Variants in TRAM2 observed in about 807,000 individuals in gnomAD.
TRAM2 encodes the protein translocation associated membrane protein 2, also known as translocating chain-associated membrane protein 2.
Under a neutral mutation model 51.0 loss-of-function variants are expected in TRAM2, and 12 were observed. The ratio of observed to expected loss-of-function variants is 0.24; its 90% confidence interval spans 0.15 to 0.38. TRAM2 has a LOEUF of 0.38. Ranked by LOEUF, TRAM2 falls within the 10% of genes least tolerant of loss-of-function variation. TRAM2 has a pLI of 1.00. For synonymous variants in TRAM2, 175 were observed against 179.4 expected, an observed-to-expected ratio of 0.98 and a Z score of 0.20; for missense variants, 361 against 462.0, an observed-to-expected ratio of 0.78 and a Z score of 2.00.
intron 1 of TRAM2, among the ~76,000 whole-genome samples, chr6:52,560,142 G>T (rs1344879382): frequency 6.6e-6 from 1 of 152,058 alleles, no homozygotes; most frequent in African/African-American, 2.4e-5. Flanking sequence ...ACTTCGGGAG[G>T]CTGAGGCAGG....
At chr6:52,536,684 G>A (rs1404496641) in intron 1 of TRAM2, among the ~76,000 whole-genome samples, 1 of 152,138 alleles carries the variant, frequency 6.6e-6, no homozygotes, top group Non-Finnish European at 1.5e-5. Context: ...ACCTCAGCTA[G>A]TTTGGGTACT....
Position 52,562,540 on chromosome 6 carries a change from C to T in TRAM2, c.120+14256G>A, listed in dbSNP as rs114466632. ...ATGTATTTTGCCTCCTGTTACATAC[C>T]AGGCACTTGCTAGATGCTGAGAATT... On this transcript the variant is annotated intron_variant, in intron 1 of 10. Coordinates refer to ENST00000182527, the MANE Select transcript of TRAM2 (RefSeq NM_012288.4). 2.0e-3 allele frequency among the ~76,000 whole-genome samples: 303 copies of T among 152,182 alleles called. 1 individual carries two copies. Among genetic ancestry groups the T allele is most frequent in the African/African-American group, 6.9e-3 (287 of 41,506 alleles).
In TRAM2 at chr6:52,500,518, G is replaced by GTTTTT. The variant is rs368707931; in HGVS notation, c.*2674_*2678dup. ...TGCCAGCCCCACTCATGGTCTCAGG[G>GTTTTT]TTTTTTTTTGTTTTTTTTTTTTTTT... On this transcript the variant is annotated 3_prime_UTR_variant, in exon 11 of 11. Transcript: ENST00000182527. 6 of 79,470 alleles carry GTTTTT rather than the reference G, an allele frequency of 7.6e-5. No homozygotes were observed. The highest frequency in any genetic ancestry group is 2.2e-4 in the African/African-American group (6 of 26,914). The allele number at this position is 79,470 out of a possible 1,614,324, so 4.9% of individuals were successfully genotyped here.
At chr6:52,544,595 G>T (rs1021995429) in intron 1 of TRAM2, among the ~76,000 whole-genome samples, 1 of 152,216 alleles carries the variant, frequency 6.6e-6, no homozygotes, top group Non-Finnish European at 1.5e-5. Flanking sequence ...CATCTTGCTC[G>T]AGTCTACAAA....
At chr6:52,532,160 G>C (rs890969151) in intron 2 of TRAM2, among the ~76,000 whole-genome samples, 1 of 152,084 alleles carries the variant, frequency 6.6e-6, no homozygotes, top group African/African-American at 2.4e-5. Context: ...AATGTCTCTG[G>C]GAAGGTTTCA....
intron 1 of TRAM2, among the ~76,000 whole-genome samples, chr6:52,570,806 C>CCA (rs1554267142): frequency 1.5e-5 from 2 of 132,642 alleles, no homozygotes; most frequent in Non-Finnish European, 3.3e-5. Flanking sequence ...CCCCCCCCCC[C>CCA]ACACGCACAC....
intron 2 of TRAM2, chr6:52,523,306 G>C (rs1416173795): frequency 5.6e-6 from 1 of 177,494 alleles, no homozygotes; most frequent in Non-Finnish European, 1.2e-5. Flanking sequence ...ATTCAGATCA[G>C]AGACAAAGGG....
Position 52,516,140 on chromosome 6 carries a change from C to T in TRAM2, c.295-18G>A. 1 of 1,601,098 alleles carries T rather than the reference C, an allele frequency of 6.2e-7. No individual in the cohort carries two copies. Among genetic ancestry groups the T allele is most frequent in the African/African-American group, 1.3e-5 (1 of 74,666 alleles). On this transcript the variant is annotated intron_variant, in intron 3 of 10. Transcript: ENST00000182527. ...CTGATTTTCTAAAGAATAAAGAAAA[C>T]CCCTCATATTAATATACAAATGTAT...
intron 2 of TRAM2, chr6:52,529,639 G>A (rs1050495101): frequency 6.6e-6 from 1 of 152,142 alleles, no homozygotes; most frequent in Non-Finnish European, 1.5e-5. Context: ...GAACCACTGG[G>A]GCTGAGGGAG....
intron 1 of TRAM2, among the ~76,000 whole-genome samples, chr6:52,574,388 G>A (rs528937019): frequency 3.5e-4 from 53 of 152,224 alleles, no homozygotes; most frequent in Middle Eastern, 6.8e-3. Context: ...TTAGTTAGTC[G>A]GTGGGTAAAG....
chr6:52,522,692 C>A (rs760465030), intron 2 of TRAM2, among the ~76,000 whole-genome samples: 4 of 152,230 alleles, frequency 2.6e-5, no homozygotes, highest in Non-Finnish European at 5.9e-5. Flanking sequence ...AGTGGGTTAT[C>A]CCACCTCCCA....
rs73742611 is a variant in TRAM2 at position 52,571,595 on chromosome 6, T to C, written c.120+5201A>G. On this transcript the variant is annotated intron_variant, in intron 1 of 10. Coordinates refer to ENST00000182527, the MANE Select transcript of TRAM2 (RefSeq NM_012288.4). ...CTAAGACCCTCCAGTACCCACGGAC[T>C]GTGTTCTAATAAGATAGATGTCAAA... 1.4e-3 allele frequency among the ~76,000 whole-genome samples: 209 copies of C among 152,338 alleles called. 1 individual carries two copies. Among genetic ancestry groups the C allele is most frequent in the African/African-American group, 4.5e-3 (187 of 41,584 alleles).
chr6:52,529,234 T>C (rs1248569373), intron 2 of TRAM2, among the ~76,000 whole-genome samples: 2 of 152,158 alleles, frequency 1.3e-5, no homozygotes, highest in African/African-American at 2.4e-5. Flanking sequence ...TAGCACCAGC[T>C]GGAAACCAAC....
intron 2 of TRAM2, among the ~76,000 whole-genome samples, chr6:52,526,280 AT>A (rs1435711233): frequency 1.3e-5 from 2 of 152,040 alleles, no homozygotes; most frequent in Admixed American, 1.3e-4. Context: ...TTTGTAATAT[AT>A]TTTCTCCATT....
rs1766416764 is a variant in TRAM2, at chr6:52,509,581, T to G, written c.417A>C (p.Gly139=). Residue 139 remains glycine, a synonymous_variant, in exon 5 of 11, where the codon GGA becomes GGC. Coordinates refer to ENST00000182527, the MANE Select transcript of TRAM2 (RefSeq NM_012288.4). ...AGAGGCTTCTTGGGTTTGTTAAGTA[T>G]CCTTCCTGCAGTGGGCAAGAAGAGA... is the stretch of plus-strand genomic sequence containing the variant. The part of the protein sequence containing the change: ...IWCFYVVVTE[G]YLTNPRSLWE... 1.2e-6 allele frequency: 2 copies of G among 1,613,862 alleles called. No individual in the cohort carries two copies. The highest frequency in any genetic ancestry group is 2.7e-5 in the African/African-American group (2 of 74,884).
Position 52,499,967 on chromosome 6 carries a change from G to C in TRAM2, c.*3230C>G, listed in dbSNP as rs964055141. On this transcript the variant is annotated 3_prime_UTR_variant, in exon 11 of 11. Coordinates refer to ENST00000182527, the MANE Select transcript of TRAM2 (RefSeq NM_012288.4). ...ATTTATTAATAGTGCAGCTATCAGC[G>C]CCCGGATGGTAAAAATAACTCCCAT... 3.9e-5 allele frequency: 6 copies of C among 152,100 alleles called. No homozygotes were observed. Among genetic ancestry groups the C allele is most frequent in the Admixed American group, 3.9e-4 (6 of 15,282 alleles). 9.4% of individuals were successfully genotyped at this position (152,100 alleles called of 1,614,324 possible).
intron 4 of TRAM2, 57 bp from the exon 5 acceptor site, chr6:52,509,643 C>A: frequency 1.3e-5 from 20 of 1,564,608 alleles, no homozygotes; most frequent in Non-Finnish European, 1.7e-5. Context: ...CCTGCTGGGG[C>A]CCTGGGACCG....
intron 1 of TRAM2, among the ~76,000 whole-genome samples, chr6:52,564,760 G>A (rs1767561900): frequency 1.3e-5 from 2 of 152,140 alleles, no homozygotes; most frequent in South Asian, 2.1e-4. Context: ...GAGAGCAAAT[G>A]CTTGGTCCAA....
rs73740888 is a variant in TRAM2 at position 52,521,849 on chromosome 6, C to G, written c.185-5112G>C. Among the ~76,000 whole-genome samples, 838 of 152,342 alleles carry G rather than the reference C, an allele frequency of 5.5e-3. 9 individuals carry two copies. The highest frequency in any genetic ancestry group is 0.019 in the African/African-American group (784 of 41,578). ...GTCGTGCATGAGCTCTCAAAAAGAA[C>G]AGCAATCGTTTGGCAATAATCTATT... On this transcript the variant is annotated intron_variant, in intron 2 of 10. Transcript: ENST00000182527.
Sources: allele counts gnomAD v4.1 joint callset (sites outside exome capture counted in the v4.1 genomes callset), GRCh38; gene constraint gnomAD v4.1.1; transcripts MANE v1.5; gene names NCBI Gene and HGNC (gene_info 2026-07-23, HGNC 2026-07-21).